The following CCNI variants were observed in gnomAD, a reference collection of about 807,000 sequenced individuals.
CCNI encodes cyclin-I.
Under a neutral mutation model 34.1 loss-of-function variants are expected in CCNI, and 14 were observed. That is an observed-to-expected ratio of 0.41 (90% confidence interval 0.27 to 0.64). The LOEUF is 0.64. Ranked by LOEUF, CCNI falls within the 30% of genes least tolerant of loss-of-function variation. The pLI is 0.31. For missense variants in CCNI, 385 were observed against 440.5 expected (o/e 0.87, Z 1.13); for synonymous variants, 154 against 158.4 (o/e 0.97, Z 0.21).
intron 5 of CCNI, 132 bp downstream of exon 5, chr4:77,055,830 T>G (rs949581407): frequency 5.5e-6 from 4 of 726,898 alleles, no homozygotes; most frequent in Non-Finnish European, 9.0e-6. Context: ...TACTAATTTA[T>G]AATTTTTCCT....
intron 3 of CCNI, among the ~76,000 whole-genome samples, chr4:77,056,896 GCTAA>G (rs1389148660): frequency 2.0e-5 from 3 of 152,002 alleles, no homozygotes; most frequent in Non-Finnish European, 2.9e-5. Flanking sequence ...CGGCCTGAGA[GCTAA>G]CTGTTAGCAT....
intron 1 of CCNI, chr4:77,075,107 G>A (rs1280507321): frequency 5.9e-5 from 9 of 152,166 alleles, no homozygotes; most frequent in African/African-American, 2.2e-4. Context: ...ACCTGAGGGT[G>A]GGGGTGTGTC....
chr4:77,052,589 G>C (rs920299290), intron 6 of CCNI, among the ~76,000 whole-genome samples: 1 of 152,134 alleles, frequency 6.6e-6, no homozygotes, highest in Admixed American at 6.5e-5. Flanking sequence ...CAGAACTAGT[G>C]AGAGTGGCCT....
At chr4:77,053,739 G>C (rs1263173941) in intron 6 of CCNI, among the ~76,000 whole-genome samples, 1 of 152,114 alleles carries the variant, frequency 6.6e-6, no homozygotes, top group Admixed American at 6.6e-5. Flanking sequence ...TTTCTATTAA[G>C]CCTATTCCTC....
At position 77,048,020 on chromosome 4, in the gene CCNI, T is replaced by C. The variant is rs1476688360; in HGVS notation, c.*199A>G. 1.3e-5 allele frequency: 5 copies of C among 395,730 alleles called. No individual in the cohort carries two copies. Among genetic ancestry groups the C allele is most frequent in the Admixed American group, 4.1e-5 (1 of 24,472 alleles). 24.5% of individuals were successfully genotyped at this position (395,730 alleles called of 1,614,324 possible). On this transcript the variant is annotated 3_prime_UTR_variant, in exon 7 of 7. Transcript: ENST00000237654. Reference sequence around the variant, plus strand: ...TGGATCTTTTGGATTTCTTTTTTTTTTTTTTGGTCTTTATGTGCTTAAATA... The same window carrying C: ...TGGATCTTTTGGATTTCTTTTTTTTCTTTTTGGTCTTTATGTGCTTAAATA...
At chr4:77,055,776 CAA>C (rs771824696) in intron 5 of CCNI, among the ~76,000 whole-genome samples, 184 bp downstream of exon 5, 21 of 152,090 alleles carry the variant, frequency 1.4e-4, no homozygotes, top group Non-Finnish European at 2.5e-4. Context: ...CTAACCTATT[CAA>C]TTTCTAAGTC....
intron 2 of CCNI, among the ~76,000 whole-genome samples, chr4:77,063,190 G>A (rs1246045010): frequency 2.0e-5 from 3 of 152,086 alleles, no homozygotes; most frequent in Admixed American, 2.0e-4. Flanking sequence ...TTATGTGAGA[G>A]ACTGACTTCA....
chr4:77,075,251 T>C (rs1729818572), intron 1 of CCNI: 1 of 152,102 alleles, frequency 6.6e-6, no homozygotes, highest in Admixed American at 6.5e-5. Flanking sequence ...GTAGTGCCGT[T>C]TTCAAGTGGG....
At chr4:77,072,919 G>A (rs1477185155) in intron 1 of CCNI, among the ~76,000 whole-genome samples, 1 of 152,122 alleles carries the variant, frequency 6.6e-6, no homozygotes, top group African/African-American at 2.4e-5. Flanking sequence ...GACAAGACTA[G>A]TAAGACATAC....
intron 5 of CCNI, 84 bp from the exon 6 acceptor site, chr4:77,055,464 CTTTTT>C (rs11378505): frequency 7.9e-5 from 53 of 673,458 alleles, no homozygotes; most frequent in South Asian, 5.7e-4. Flanking sequence ...TATTCAATTT[CTTTTT>C]TTTTTTTTTT....
chr4:77,073,994 CCTTT>C (rs1375155195), intron 1 of CCNI, among the ~76,000 whole-genome samples: 2 of 141,388 alleles, frequency 1.4e-5, no homozygotes, highest in Admixed American at 7.3e-5. Flanking sequence ...TGTGGAAAGC[CCTTT>C]TTTTCTAGTT....
intron 1 of CCNI, among the ~76,000 whole-genome samples, chr4:77,070,325 CTT>C (rs368351303): frequency 1.4e-5 from 2 of 144,370 alleles, no homozygotes; most frequent in African/African-American, 2.5e-5. Context: ...CCCTCATTAG[CTT>C]TTTTTTTTTT....
At chr4:77,066,160 C>T in intron 2 of CCNI, 89 bp downstream of exon 2, 1 of 1,078,786 alleles carries the variant, frequency 9.3e-7, no homozygotes, top group Non-Finnish European at 1.4e-6. Context: ...GTACACACTC[C>T]TCCAATGTAG....
chr4:77,055,992 G>A lies in CCNI; in HGVS notation c.429C>T (p.His143=), dbSNP rs774464219. 6.2e-6 allele frequency: 10 copies of A among 1,613,068 alleles called. No homozygotes were observed. Among genetic ancestry groups the A allele is most frequent in the Middle Eastern group, 1.6e-4 (1 of 6,072 alleles). Reference sequence around the variant, plus strand: ...GAAGAAAATCCAATGGTGTGGCTGTGTGAAGATCCCAATTCAACTTATCCA... The same window carrying A: ...GAAGAAAATCCAATGGTGTGGCTGTATGAAGATCCCAATTCAACTTATCCA... The part of the protein sequence containing the change: ...IILDKLNWDL[H]TATPLDFLHI... The change falls in exon 5 of 7, where the codon CAC becomes CAT. Residue 143 remains histidine, a synonymous_variant. Coordinates refer to ENST00000237654, the MANE Select transcript of CCNI (RefSeq NM_006835.3).
intron 6 of CCNI, among the ~76,000 whole-genome samples, chr4:77,051,959 T>G (rs1461470606): frequency 6.6e-6 from 1 of 150,842 alleles, no homozygotes; most frequent in Non-Finnish European, 1.5e-5. Flanking sequence ...TTTTTGTTTT[T>G]TTTTTTTTAA....
At chr4:77,054,962 T>C (rs947821237) in intron 6 of CCNI, among the ~76,000 whole-genome samples, 188 bp downstream of exon 6, 5 of 152,230 alleles carry the variant, frequency 3.3e-5, no homozygotes, top group African/African-American at 1.2e-4. Context: ...TTAAAAATAC[T>C]ATATAAGTTT....
Position 77,067,789 on chromosome 4 carries a change from T to TAA in CCNI, c.-43-1385_-43-1384insTT, listed in dbSNP as rs1729150848. On this transcript the variant is annotated intron_variant, in intron 1 of 6. Coordinates refer to ENST00000237654, the MANE Select transcript of CCNI (RefSeq NM_006835.3). ...TGAGCCACCGTGCAGGCTTCTAGGT[T>TAA]TAAAAAAAAAAAAAAAAAAAAAAAA... Among the ~76,000 whole-genome samples the TAA allele has an allele frequency of 3.2e-5, 3 of 94,568 alleles. No individual in the cohort carries two copies. The Admixed American group carries it at 3.6e-4, about 11-fold the overall frequency. The allele number at this position is 94,568 out of a possible 152,430, so 62.0% of individuals were successfully genotyped here.
At chr4:77,072,044 CCAGA>C (rs1222549668) in intron 1 of CCNI, among the ~76,000 whole-genome samples, 1 of 152,088 alleles carries the variant, frequency 6.6e-6, no homozygotes, top group Non-Finnish European at 1.5e-5. Context: ...GCTACCAAAA[CCAGA>C]CAGACATCAC....
chr4:77,062,462 A>T (rs1332728441), intron 2 of CCNI, among the ~76,000 whole-genome samples: 2 of 151,868 alleles, frequency 1.3e-5, no homozygotes, highest in African/African-American at 4.8e-5. Context: ...TGGGAGGCTG[A>T]GGTGGGAGGA....
Sources: allele counts gnomAD v4.1 joint callset (sites outside exome capture counted in the v4.1 genomes callset), GRCh38; gene constraint gnomAD v4.1.1; transcripts MANE v1.5; gene names NCBI Gene and HGNC (gene_info 2026-07-23, HGNC 2026-07-21).